NAALADL2: variants seen among roughly 807,000 people sequenced by gnomAD.
The protein encoded by NAALADL2 is inactive N-acetylated-alpha-linked acidic dipeptidase-like protein 2.
Under a neutral mutation model 87.2 loss-of-function variants are expected in NAALADL2, and 76 were observed. That is an observed-to-expected ratio of 0.87 (90% confidence interval 0.72 to 1.05). The LOEUF (loss-of-function observed/expected upper bound fraction) is 1.05. Ranked by LOEUF, NAALADL2 falls within the 50% of genes least tolerant of loss-of-function variation. The pLI is 0.00. For synonymous variants in NAALADL2, 354 were observed against 331.0 expected, an observed-to-expected ratio of 1.07 and a Z score of -0.75; for missense variants, 1,089 against 945.8, an observed-to-expected ratio of 1.15 and a Z score of -1.99.
intron 13 of NAALADL2, among the ~76,000 whole-genome samples, chr3:175,779,854 G>C (rs1750774238): frequency 6.6e-6 from 1 of 152,102 alleles, no homozygotes; most frequent in South Asian, 2.1e-4. Context: ...CATTTGTTTA[G>C]TGTGGAATGT....
chr3:174,807,192 G>A (rs951102886), intron 3 of NAALADL2, among the ~76,000 whole-genome samples: 1 of 151,820 alleles, frequency 6.6e-6, no homozygotes, highest in African/African-American at 2.4e-5. Flanking sequence ...TCTTACATTA[G>A]CATTTTTACC....
At chr3:174,846,930 G>T (rs564888967) in intron 3 of NAALADL2, among the ~76,000 whole-genome samples, 1 of 152,234 alleles carries the variant, frequency 6.6e-6, no homozygotes, top group Non-Finnish European at 1.5e-5. Flanking sequence ...TGTTCTCCAG[G>T]CAAGAGATGA....
intron 1 of NAALADL2, among the ~76,000 whole-genome samples, chr3:175,013,781 C>G (rs924671858): frequency 8.6e-5 from 13 of 152,044 alleles, no homozygotes; most frequent in Admixed American, 2.0e-4. Flanking sequence ...TCGTAAGACC[C>G]AGCTCTTTGG....
intron 3 of NAALADL2, among the ~76,000 whole-genome samples, chr3:174,854,023 T>A (rs1278119530): frequency 6.6e-6 from 1 of 152,196 alleles, no homozygotes; most frequent in East Asian, 1.9e-4. Context: ...GCTATCTCAC[T>A]GCTGGGTGTA....
intron 2 of NAALADL2, among the ~76,000 whole-genome samples, chr3:174,727,260 CTGAAT>C (rs10540382): frequency 0.83 from 123,442 of 149,400 alleles, 51,214 homozygotes; most frequent in African/African-American, 0.9. Context: ...TAATGGAAGC[CTGAAT>C]TGAATTCCAC....
At chr3:174,946,752 G>C (rs745805650) in intron 1 of NAALADL2, among the ~76,000 whole-genome samples, 4 of 152,120 alleles carry the variant, frequency 2.6e-5, no homozygotes, top group Non-Finnish European at 4.4e-5. Context: ...TAGATGTGAA[G>C]TAGGAAGATC....
At chr3:175,389,848 T>TACA (rs1430407570) in intron 5 of NAALADL2, among the ~76,000 whole-genome samples, 1 of 152,166 alleles carries the variant, frequency 6.6e-6, no homozygotes, top group East Asian at 1.9e-4. Flanking sequence ...GAACAATGTT[T>TACA]CTTACAAACA....
At chr3:174,743,277 A>C (rs951374844) in intron 3 of NAALADL2, among the ~76,000 whole-genome samples, 3 of 151,784 alleles carry the variant, frequency 2.0e-5, no homozygotes, top group African/African-American at 7.2e-5. Flanking sequence ...TGAATTTATC[A>C]AATGGATAAT....
chr3:175,003,685 A>G (rs1748564525), intron 1 of NAALADL2, among the ~76,000 whole-genome samples: 1 of 152,236 alleles, frequency 6.6e-6, no homozygotes, highest in Non-Finnish European at 1.5e-5. Flanking sequence ...AGAAATAGAT[A>G]TGGAAGAAGC....
chr3:175,666,673 C>T (rs1287753168), intron 11 of NAALADL2, among the ~76,000 whole-genome samples: 1 of 152,028 alleles, frequency 6.6e-6, no homozygotes, highest in African/African-American at 2.4e-5. Flanking sequence ...GAATCAGTCC[C>T]TGGAGCGTAA....
intron 2 of NAALADL2, among the ~76,000 whole-genome samples, chr3:175,191,433 A>T (rs998845309): frequency 7.2e-5 from 11 of 152,180 alleles, no homozygotes; most frequent in Non-Finnish European, 1.0e-4. Flanking sequence ...GTAACATAGG[A>T]TATACTGGTC....
intron 10 of NAALADL2, among the ~76,000 whole-genome samples, chr3:175,599,855 TTTAATA>T (rs1419932213): frequency 1.3e-5 from 2 of 152,174 alleles, no homozygotes; most frequent in Non-Finnish European, 2.9e-5. Context: ...TTTGCCTTCA[TTTAATA>T]TTATGTGAAT....
chr3:175,182,704 T>G (rs1020121077), intron 2 of NAALADL2, among the ~76,000 whole-genome samples: 4 of 151,554 alleles, frequency 2.6e-5, no homozygotes, highest in African/African-American at 9.7e-5. Context: ...CCAAAAGGGT[T>G]TTTTGTGTTT....
At chr3:174,720,124 T>A (rs1432140916) in intron 2 of NAALADL2, among the ~76,000 whole-genome samples, 1 of 152,142 alleles carries the variant, frequency 6.6e-6, no homozygotes, top group East Asian at 1.9e-4. Context: ...ATTAAAAATA[T>A]CAAGAAATAA....
intron 11 of NAALADL2, among the ~76,000 whole-genome samples, chr3:175,690,372 G>A (rs2149913693): frequency 6.6e-6 from 1 of 152,192 alleles, no homozygotes; most frequent in Admixed American, 6.5e-5. Context: ...CAGAAGATAT[G>A]TAGTACAGCC....
intron 2 of NAALADL2, among the ~76,000 whole-genome samples, chr3:174,676,379 G>GTTT (rs994444271): frequency 3.3e-5 from 5 of 151,448 alleles, no homozygotes; most frequent in African/African-American, 1.2e-4. Context: ...ATTGTTTTTG[G>GTTT]TTTTTATCAT....
intron 1 of NAALADL2, among the ~76,000 whole-genome samples, chr3:175,002,467 G>T (rs886455889): frequency 6.6e-6 from 1 of 152,066 alleles, no homozygotes; most frequent in East Asian, 1.9e-4. Flanking sequence ...TGAAGATCTC[G>T]ATCGTGTATT....
intron 2 of NAALADL2, among the ~76,000 whole-genome samples, chr3:174,644,627 A>G (rs1723595079): frequency 1.3e-5 from 2 of 152,126 alleles, no homozygotes; most frequent in South Asian, 2.1e-4. Context: ...ACTTTGGGAA[A>G]GTTTAGCTGA....
intron 1 of NAALADL2, among the ~76,000 whole-genome samples, chr3:174,499,050 T>C (rs945691984): frequency 6.6e-6 from 1 of 152,082 alleles, no homozygotes; most frequent in African/African-American, 2.4e-5. Context: ...ATGTTATAAT[T>C]GTTAATCTCT....
Sources: allele counts gnomAD v4.1 joint callset (sites outside exome capture counted in the v4.1 genomes callset), GRCh38; gene constraint gnomAD v4.1.1; transcripts MANE v1.5; gene names NCBI Gene and HGNC (gene_info 2026-07-23, HGNC 2026-07-21).